The following SV2C variants were observed in gnomAD, a reference collection of about 807,000 sequenced individuals.
SV2C encodes synaptic vesicle glycoprotein 2C.
In SV2C, 49 loss-of-function variants were observed where a neutral mutation model predicts 79.7. That is an observed-to-expected ratio of 0.61 (90% CI 0.49 to 0.78). SV2C has a LOEUF of 0.78. Ranked by LOEUF, SV2C falls within the 30% of genes least tolerant of loss-of-function variation. The pLI is 0.00. For missense variants in SV2C, 833 were observed against 912.9 expected, an observed-to-expected ratio of 0.91 and a Z score of 1.13; for synonymous variants, 334 against 333.2, an observed-to-expected ratio of 1.00 and a Z score of -0.03.
chr5:76,073,727 A>G, the SV2C span, among the ~76,000 whole-genome samples: 1 of 151,564 alleles, frequency 6.6e-6, no homozygotes, highest in South Asian at 2.1e-4. Flanking sequence ...GAATGATACA[A>G]TGGACTTTAA....
the SV2C span, among the ~76,000 whole-genome samples, chr5:75,882,338 C>T: frequency 1.3e-5 from 2 of 149,196 alleles, no homozygotes; most frequent in African/African-American, 5.1e-5. Flanking sequence ...AGGTAATTTA[C>T]AGATTCAATG....
At chr5:75,913,951 A>G in the SV2C span, among the ~76,000 whole-genome samples, 1 of 151,146 alleles carries the variant, frequency 6.6e-6, no homozygotes, top group Non-Finnish European at 1.5e-5. Flanking sequence ...TAGGCCATAA[A>G]TGAGAATAGT....
chr5:75,893,714 A>G, the SV2C span, among the ~76,000 whole-genome samples: 200 of 152,266 alleles, frequency 1.3e-3, no homozygotes, highest in Non-Finnish European at 2.3e-3. Context: ...CCCATGTAAC[A>G]AATGTGTACA....
At chr5:76,090,176 G>C (rs1246562342) in intron 1 of SV2C, among the ~76,000 whole-genome samples, 1 of 152,214 alleles carries the variant, frequency 6.6e-6, no homozygotes, top group Non-Finnish European at 1.5e-5. Flanking sequence ...CCTAGGGCCA[G>C]CTTCATGGGT....
intron 1 of SV2C, among the ~76,000 whole-genome samples, chr5:76,105,799 C>T (rs983351990): frequency 1.3e-5 from 2 of 152,114 alleles, no homozygotes; most frequent in African/African-American, 4.8e-5. Context: ...GGTCTTCCTC[C>T]TGCCACCTAG....
intron 4 of SV2C, among the ~76,000 whole-genome samples, chr5:76,222,146 A>G (rs1054689868): frequency 3.3e-5 from 5 of 152,212 alleles, no homozygotes; most frequent in African/African-American, 9.6e-5. Flanking sequence ...ACATACACCT[A>G]ACATATCACT....
At chr5:75,949,924 T>C in the SV2C span, among the ~76,000 whole-genome samples, 4 of 152,008 alleles carry the variant, frequency 2.6e-5, no homozygotes, top group Non-Finnish European at 5.9e-5. Context: ...CTTGAGGGAT[T>C]GGATATTGTT....
the SV2C span, among the ~76,000 whole-genome samples, chr5:76,038,013 C>T: frequency 7.9e-5 from 12 of 152,174 alleles, no homozygotes; most frequent in East Asian, 1.9e-4. Flanking sequence ...TTCCAGGTGC[C>T]GTCTGTCACC....
rs1580001878 is a variant in SV2C, at chr5:76,265,263, C to T, written c.914-19899C>T. ...CCTTAGTGCCGACAGTGGGAAAAAC[C>T]GCCTACTCAAGCCTTAGTAATGGCG... is the stretch of plus-strand genomic sequence containing the variant. On this transcript the variant is annotated intron_variant, in intron 4 of 12. Transcript: ENST00000502798. Among the ~76,000 whole-genome samples, 11 of 152,296 alleles carry T rather than the reference C, an allele frequency of 7.2e-5. No homozygotes were observed. In the South Asian group the frequency reaches 2.3e-3, roughly 32 times the overall value.
intron 12 of SV2C, among the ~76,000 whole-genome samples, chr5:76,339,337 C>T (rs1749392904): frequency 6.6e-6 from 1 of 152,134 alleles, no homozygotes; most frequent in South Asian, 2.1e-4. Flanking sequence ...CATATGGCAA[C>T]AGTTTTGTGA....
chr5:75,892,000 A>T, the SV2C span, among the ~76,000 whole-genome samples: 1 of 151,798 alleles, frequency 6.6e-6, no homozygotes, highest in Non-Finnish European at 1.5e-5. Flanking sequence ...GTTTCCTATT[A>T]CTCCCTGATT....
the SV2C span, among the ~76,000 whole-genome samples, chr5:76,002,373 A>G: frequency 6.6e-6 from 1 of 152,036 alleles, no homozygotes; most frequent in African/African-American, 2.4e-5. Context: ...TATTTCCACA[A>G]TCTCTGCTGC....
chr5:76,282,947 G>A (rs934985118), intron 4 of SV2C, among the ~76,000 whole-genome samples: 2 of 152,188 alleles, frequency 1.3e-5, no homozygotes, highest in African/African-American at 2.4e-5. Context: ...AAGAGGCAAA[G>A]ATTACAGTGA....
At chr5:76,072,782 T>C in the SV2C span, among the ~76,000 whole-genome samples, 9 of 152,348 alleles carry the variant, frequency 5.9e-5, no homozygotes, top group East Asian at 1.7e-3. Context: ...ATTTTGATTC[T>C]GATTATGGCC....
the SV2C span, among the ~76,000 whole-genome samples, chr5:75,859,583 T>C: frequency 6.6e-6 from 1 of 152,154 alleles, no homozygotes; most frequent in Non-Finnish European, 1.5e-5. Flanking sequence ...GAGACACCCA[T>C]GGGGAGCCAT....
chr5:76,048,226 A>G, the SV2C span, among the ~76,000 whole-genome samples: 1 of 152,198 alleles, frequency 6.6e-6, no homozygotes, highest in Admixed American at 6.5e-5. Context: ...TGCTATCTGC[A>G]AACTGGAGAA....
intron 2 of SV2C, chr5:76,173,670 G>A (rs754668123): frequency 6.2e-7 from 1 of 1,613,688 alleles, no homozygotes; most frequent in Non-Finnish European, 8.5e-7. Context: ...GCCTTCCCAG[G>A]CACTGGAGTT....
At chr5:76,221,788 A>AT (rs1489208779) in intron 4 of SV2C, among the ~76,000 whole-genome samples, 1 of 152,072 alleles carries the variant, frequency 6.6e-6, no homozygotes, top group Admixed American at 6.5e-5. Flanking sequence ...TGTGAATCTG[A>AT]GCCTTACCAG....
At chr5:76,102,226 T>G (rs923998029) in intron 1 of SV2C, among the ~76,000 whole-genome samples, 11 of 152,142 alleles carry the variant, frequency 7.2e-5, no homozygotes, top group Non-Finnish European at 1.5e-4. Flanking sequence ...AGAACCACAG[T>G]GCACTCCCTC....
Sources: gnomAD v4.1 joint callset for allele counts (sites outside exome capture counted in the v4.1 genomes callset) on GRCh38, gnomAD v4.1.1 for gene constraint, MANE v1.5 for transcripts, NCBI Gene and HGNC (gene_info 2026-07-23, HGNC 2026-07-21) for gene names.